Variants in GPC6 observed in about 807,000 individuals in gnomAD.
The protein encoded by GPC6 is glypican 6, also known as glypican-6.
Under a neutral mutation model 55.2 loss-of-function variants are expected in GPC6, and 14 were observed. The ratio of observed to expected loss-of-function variants is 0.25; its 90% CI spans 0.17 to 0.40. The LOEUF (loss-of-function observed/expected upper bound fraction) is 0.40. Ranked by LOEUF, GPC6 falls within the 10% of genes least tolerant of loss-of-function variation. The probability of loss-of-function intolerance (pLI) is 1.00; values close to 1 mark genes in which losing one functional copy is unlikely to be tolerated. For synonymous variants in GPC6, 278 were observed against 259.6 expected, an observed-to-expected ratio of 1.07 and a Z score of -0.68; for missense variants, 641 against 708.5, an observed-to-expected ratio of 0.90 and a Z score of 1.08.
intron 2 of GPC6, among the ~76,000 whole-genome samples, chr13:93,752,667 G>A (rs540198154): frequency 1.1e-4 from 16 of 152,230 alleles, no homozygotes; most frequent in African/African-American, 2.6e-4. Context: ...ATCTGTCAGC[G>A]TGGGTGAGGA....
intron 4 of GPC6, chr13:94,187,061 C>T (rs1889219887): frequency 6.6e-6 from 1 of 152,184 alleles, no homozygotes; most frequent in Admixed American, 6.5e-5. Context: ...TGAACCTGCT[C>T]TTGGAATAGC....
At chr13:93,239,839 C>T (rs1391299633) in intron 1 of GPC6, among the ~76,000 whole-genome samples, 1 of 151,940 alleles carries the variant, frequency 6.6e-6, no homozygotes, top group East Asian at 1.9e-4. Context: ...TCACTGTCAT[C>T]ATTCATTTTG....
intron 4 of GPC6, among the ~76,000 whole-genome samples, chr13:94,103,848 A>G (rs1225799146): frequency 6.6e-6 from 1 of 152,104 alleles, no homozygotes; most frequent in Non-Finnish European, 1.5e-5. Context: ...GTTCACTCCA[A>G]TGGTAGTTTC....
At chr13:93,850,869 T>C (rs1311745278) in intron 3 of GPC6, among the ~76,000 whole-genome samples, 1 of 151,986 alleles carries the variant, frequency 6.6e-6, no homozygotes, top group African/African-American at 2.4e-5. Context: ...GTGATGGTTA[T>C]TGAGGTCTTA....
At chr13:94,312,992 G>A (rs753129547) in intron 6 of GPC6, among the ~76,000 whole-genome samples, 9 of 151,994 alleles carry the variant, frequency 5.9e-5, no homozygotes, top group Non-Finnish European at 1.3e-4. Context: ...TATTTGCTGC[G>A]AAACCCCACT....
intron 2 of GPC6, among the ~76,000 whole-genome samples, chr13:93,798,617 C>T (rs141224185): frequency 1.9e-3 from 288 of 152,148 alleles, no homozygotes; most frequent in African/African-American, 6.5e-3. Context: ...TTTGAATGTG[C>T]ACCTACAATA....
chr13:94,072,225 C>T (rs936401840), intron 4 of GPC6, among the ~76,000 whole-genome samples: 2 of 152,282 alleles, frequency 1.3e-5, no homozygotes, highest in East Asian at 1.9e-4. Flanking sequence ...AACCTATGCA[C>T]AATTATCCTA....
chr13:93,764,678 GT>G (rs1217234375), intron 2 of GPC6, among the ~76,000 whole-genome samples: 11 of 152,046 alleles, frequency 7.2e-5, no homozygotes, highest in Admixed American at 2.0e-4. Context: ...AAACCATTGT[GT>G]GAGGTTAGAG....
intron 1 of GPC6, among the ~76,000 whole-genome samples, chr13:93,542,742 C>A (rs888332281): frequency 6.6e-6 from 1 of 152,274 alleles, no homozygotes; most frequent in South Asian, 2.1e-4. Context: ...TCCATCACGT[C>A]CCTTGTAAGT....
chr13:93,776,723 A>T (rs1287069487), intron 2 of GPC6, among the ~76,000 whole-genome samples: 3 of 152,202 alleles, frequency 2.0e-5, no homozygotes, highest in African/African-American at 7.2e-5. Context: ...GGCAATTACT[A>T]AATCAATTAT....
At chr13:93,820,873 C>T (rs910284718) in intron 2 of GPC6, among the ~76,000 whole-genome samples, 7 of 151,816 alleles carry the variant, frequency 4.6e-5, no homozygotes, top group Non-Finnish European at 7.4e-5. Flanking sequence ...TTTTAGCTAC[C>T]GTGCAAAGGA....
chr13:94,010,407 A>T (rs555855935), intron 3 of GPC6, among the ~76,000 whole-genome samples: 1 of 152,162 alleles, frequency 6.6e-6, no homozygotes, highest in Non-Finnish European at 1.5e-5. Context: ...GCTTTTCTCT[A>T]TTAACAAAGT....
intron 3 of GPC6, among the ~76,000 whole-genome samples, chr13:93,893,047 A>T (rs931798472): frequency 6.6e-6 from 1 of 151,790 alleles, no homozygotes; most frequent in Non-Finnish European, 1.5e-5. Flanking sequence ...TTTTGCCAGT[A>T]ATAACCATTA....
At chr13:93,401,030 T>C (rs182456498) in intron 1 of GPC6, among the ~76,000 whole-genome samples, 2 of 152,300 alleles carry the variant, frequency 1.3e-5, no homozygotes, top group Admixed American at 1.3e-4. Context: ...CTTTCCTCCT[T>C]GCTTTTTGTC....
intron 4 of GPC6, among the ~76,000 whole-genome samples, chr13:94,250,564 T>C (rs998136573): frequency 1.3e-5 from 2 of 152,140 alleles, no homozygotes; most frequent in Admixed American, 6.6e-5. Context: ...AAGTAAATAA[T>C]GAAAGCTCCC....
At chr13:93,811,154 T>C (rs1283841229) in intron 2 of GPC6, among the ~76,000 whole-genome samples, 2 of 152,182 alleles carry the variant, frequency 1.3e-5, no homozygotes, top group African/African-American at 2.4e-5. Flanking sequence ...CCCCAGATGA[T>C]GGTACAGAAG....
At chr13:93,585,213 A>C (rs1233302036) in intron 2 of GPC6, among the ~76,000 whole-genome samples, 1 of 152,164 alleles carries the variant, frequency 6.6e-6, no homozygotes, top group East Asian at 1.9e-4. Flanking sequence ...TCACGAACAG[A>C]AATTGACAAT....
chr13:93,710,946 T>C (rs1945661069), intron 2 of GPC6, among the ~76,000 whole-genome samples: 1 of 151,812 alleles, frequency 6.6e-6, no homozygotes, highest in Non-Finnish European at 1.5e-5. Flanking sequence ...TAAAAATAAA[T>C]TACTTATTAG....
At chr13:93,511,095 C>T (rs978883960) in intron 1 of GPC6, among the ~76,000 whole-genome samples, 20 of 145,718 alleles carry the variant, frequency 1.4e-4, no homozygotes, top group African/African-American at 5.0e-4. Context: ...GGATGTTAGT[C>T]CCCTGTCGGA....
Sources: gnomAD v4.1 joint callset for allele counts (sites outside exome capture counted in the v4.1 genomes callset) on GRCh38, gnomAD v4.1.1 for gene constraint, MANE v1.5 for transcripts, NCBI Gene and HGNC (gene_info 2026-07-23, HGNC 2026-07-21) for gene names.